Variants in LRRTM4 observed in about 807,000 individuals in gnomAD.
LRRTM4 encodes the protein leucine-rich repeat transmembrane neuronal protein 4.
LRRTM4 carries 25 observed loss-of-function variants against 47.6 expected under a neutral mutation model. The ratio of observed to expected loss-of-function variants is 0.53; its 90% CI spans 0.38 to 0.73. LRRTM4 has a LOEUF of 0.73. LRRTM4 is among the 30% of genes least tolerant of loss of function. The probability of loss-of-function intolerance (pLI) is 0.00; values close to 1 mark genes in which losing one functional copy is unlikely to be tolerated. For synonymous variants in LRRTM4, 311 were observed against 269.5 expected, an observed-to-expected ratio of 1.15 and a Z score of -1.51; for missense variants, 638 against 713.4, an observed-to-expected ratio of 0.89 and a Z score of 1.20.
At chr2:77,453,221 G>A (rs1573435660) in intron 3 of LRRTM4, among the ~76,000 whole-genome samples, 1 of 112,802 alleles carries the variant, frequency 8.9e-6, no homozygotes, top group African/African-American at 3.5e-5. Flanking sequence ...TCGCTGTGTT[G>A]CCCAGGCTGG....
chr2:77,436,383 T>C (rs1040472132), intron 3 of LRRTM4, among the ~76,000 whole-genome samples: 6 of 152,080 alleles, frequency 3.9e-5, no homozygotes, highest in Non-Finnish European at 7.4e-5. Flanking sequence ...GCTAAGGTTG[T>C]TTGATAATAA....
chr2:77,348,215 A>G (rs1671638449), intron 3 of LRRTM4, among the ~76,000 whole-genome samples: 1 of 151,960 alleles, frequency 6.6e-6, no homozygotes, highest in Admixed American at 6.6e-5. Flanking sequence ...ATATACTGTT[A>G]AACTTAACAG....
chr2:77,502,596 G>T (rs1389907755), intron 3 of LRRTM4, among the ~76,000 whole-genome samples: 1 of 151,562 alleles, frequency 6.6e-6, no homozygotes, highest in Non-Finnish European at 1.5e-5. Context: ...TATTTATTGA[G>T]CTTTTATTGT....
At chr2:77,405,843 T>G (rs73942707) in intron 3 of LRRTM4, among the ~76,000 whole-genome samples, 4,443 of 152,214 alleles carry the variant, frequency 0.029, 214 homozygotes, top group African/African-American at 0.1. Context: ...ACTCTTCTCA[T>G]TCAAGTAAGG....
At position 77,414,578 on chromosome 2, in the gene LRRTM4, G is replaced by T. The variant is rs114725035; in HGVS notation, c.1551+103740C>A. Among the ~76,000 whole-genome samples the T allele has an allele frequency of 5.3e-3, 809 of 152,216 alleles. 10 individuals are homozygous for T. Among genetic ancestry groups the T allele is most frequent in the African/African-American group, 0.019 (783 of 41,546 alleles). Reference sequence around the variant, plus strand: ...TACCAGCAACAGAAGCAATTAGATAGAATTTTAGGTATAATTTGCCATCAG... The same window carrying T: ...TACCAGCAACAGAAGCAATTAGATATAATTTTAGGTATAATTTGCCATCAG... On this transcript the variant is annotated intron_variant, in intron 3 of 3. Transcript: ENST00000409884.
chr2:77,182,836 G>C, intron 3 of LRRTM4, among the ~76,000 whole-genome samples: 1 of 152,118 alleles, frequency 6.6e-6, no homozygotes, highest in Non-Finnish European at 1.5e-5. Flanking sequence ...AATGGGGAAA[G>C]GATTCCCTAT....
intron 3 of LRRTM4, among the ~76,000 whole-genome samples, chr2:77,134,786 G>A (rs1411386971): frequency 8.6e-5 from 13 of 152,034 alleles, no homozygotes. Flanking sequence ...GCAAAAAAAG[G>A]GGGGATATCT....
intron 3 of LRRTM4, among the ~76,000 whole-genome samples, chr2:77,164,025 A>C (rs1672808660): frequency 6.6e-6 from 1 of 152,200 alleles, no homozygotes. Flanking sequence ...AAATTGGATA[A>C]GCAGTCAACA....
chr2:77,474,706 A>G (rs1677320194), intron 3 of LRRTM4, among the ~76,000 whole-genome samples: 1 of 152,074 alleles, frequency 6.6e-6, no homozygotes, highest in Non-Finnish European at 1.5e-5. Flanking sequence ...CTTTAAATCC[A>G]ATATGTTTTG....
intron 3 of LRRTM4, among the ~76,000 whole-genome samples, chr2:76,764,255 A>G (rs1346250744): frequency 6.6e-6 from 1 of 152,220 alleles, no homozygotes; most frequent in South Asian, 2.1e-4. Flanking sequence ...TGCATATTGC[A>G]AAAAAGAAAA....
chr2:77,519,462 C>A lies in LRRTM4; in HGVS notation c.407G>T (p.Arg136Leu), dbSNP rs775060136. ...CTTATTGTAGGAGAGGTCCAGATTG[C>A]GGAGATTGGGAACTGGGTGAAATGT... ...NKTFHPVPNL[R>L]NLDLSYNKLQ... The change falls in exon 3 of 4, where the codon CGC (arginine) becomes CTC (leucine). Residue 136 changes from arginine (R) to leucine (L), a missense_variant. Transcript: ENST00000409884. The surrounding 1 kb of genome is among the most constrained non-coding windows in gnomAD (Gnocchi z 4.6). 2 of 1,613,234 alleles carry A rather than the reference C, an allele frequency of 1.2e-6. No individual in the cohort carries two copies. The highest frequency in any genetic ancestry group is 2.7e-5 in the African/African-American group (2 of 74,830).
chr2:76,934,544 CA>C (rs1296535965), intron 3 of LRRTM4, among the ~76,000 whole-genome samples: 1 of 151,910 alleles, frequency 6.6e-6, no homozygotes, highest in Admixed American at 6.6e-5. Context: ...TTTCTCCAGG[CA>C]AAAAAATTTA....
chr2:76,783,911 A>G (rs1558650478), intron 3 of LRRTM4, among the ~76,000 whole-genome samples: 1 of 152,194 alleles, frequency 6.6e-6, no homozygotes, highest in Admixed American at 6.5e-5. Flanking sequence ...TACTCATAAT[A>G]AAACTGCTTG....
chr2:77,197,593 A>G (rs1055656753), intron 3 of LRRTM4, among the ~76,000 whole-genome samples: 11 of 152,322 alleles, frequency 7.2e-5, no homozygotes, highest in South Asian at 4.1e-4. Context: ...TTATACACCT[A>G]AAATACTATT....
intron 3 of LRRTM4, among the ~76,000 whole-genome samples, chr2:76,962,450 G>C (rs1675891207): frequency 6.6e-6 from 1 of 150,774 alleles, no homozygotes; most frequent in African/African-American, 2.4e-5. Flanking sequence ...ACGAACCAGA[G>C]ATGGAGAAGA....
chr2:77,051,530 A>G (rs1679431144), intron 3 of LRRTM4, among the ~76,000 whole-genome samples: 1 of 152,180 alleles, frequency 6.6e-6, no homozygotes, highest in Non-Finnish European at 1.5e-5. Flanking sequence ...CCTAAGACTG[A>G]GTGACTGAAG....
chr2:77,087,425 G>T (rs1384382494), intron 3 of LRRTM4, among the ~76,000 whole-genome samples: 1 of 152,164 alleles, frequency 6.6e-6, no homozygotes, highest in Non-Finnish European at 1.5e-5. Flanking sequence ...TGTGGACCAG[G>T]AAAAAATGCC....
chr2:76,951,457 TATTA>T lies in LRRTM4; in HGVS notation c.1552-202545_1552-202542del, dbSNP rs1675491098. Among the ~76,000 whole-genome samples the T allele has an allele frequency of 7.2e-5, 11 of 152,172 alleles. No homozygotes were observed. The South Asian group carries it at 2.3e-3, about 32-fold the overall frequency. Reference sequence around the variant, plus strand: ...TTCATAATGACAAAATGTCTTTCTCTATTAATTAAAGAAAAGCAGGTCACTGGAC... The same window carrying T: ...TTCATAATGACAAAATGTCTTTCTCTATTAAAGAAAAGCAGGTCACTGGAC... On this transcript the variant is annotated intron_variant, in intron 3 of 3. Coordinates refer to ENST00000409884, the MANE Select transcript of LRRTM4 (RefSeq NM_001134745.3).
intron 3 of LRRTM4, among the ~76,000 whole-genome samples, chr2:77,077,184 A>C (rs570570121): frequency 2.6e-5 from 4 of 152,350 alleles, no homozygotes; most frequent in African/African-American, 9.6e-5. Flanking sequence ...TGAGTTTGAT[A>C]TAACACTTCT....
Sources: gnomAD v4.1 joint callset for allele counts (sites outside exome capture counted in the v4.1 genomes callset) on GRCh38, gnomAD v4.1.1 for gene constraint, Gnocchi (gnomAD v3.1) non-coding constraint, MANE v1.5 for transcripts, NCBI Gene and HGNC (gene_info 2026-07-23, HGNC 2026-07-21) for gene names.